The following MYOM3 variants were observed in gnomAD, a reference collection of about 807,000 sequenced individuals.
MYOM3 encodes the protein myomesin 3, also known as myomesin-3.
In MYOM3, 155 loss-of-function variants were observed where a neutral mutation model predicts 191.7. The ratio of observed to expected loss-of-function variants is 0.81; its 90% CI spans 0.71 to 0.92. The LOEUF (loss-of-function observed/expected upper bound fraction) is 0.92, where lower values mean the gene tolerates loss of function less well. Ranked by LOEUF, MYOM3 falls within the 40% of genes least tolerant of loss-of-function variation. The probability of loss-of-function intolerance (pLI) is 0.00; values close to 1 mark genes in which losing one functional copy is unlikely to be tolerated. For missense variants in MYOM3, 1,889 were observed against 1,890.6 expected, an observed-to-expected ratio of 1.00 and a Z score of 0.02; for synonymous variants, 757 against 762.9, an observed-to-expected ratio of 0.99 and a Z score of 0.13.
intron 25 of MYOM3, 121 bp from the exon 26 acceptor site, chr1:24,068,488 G>A (rs1450461134): frequency 8.1e-7 from 1 of 1,232,114 alleles, no homozygotes; most frequent in African/African-American, 1.5e-5. Context: ...CAGAGACTGG[G>A]GCTGGCCGTT....
intron 7 of MYOM3, among the ~76,000 whole-genome samples, 156 bp downstream of exon 7, chr1:24,097,767 A>T (rs1035257706): frequency 3.9e-5 from 6 of 152,194 alleles, no homozygotes; most frequent in Non-Finnish European, 7.4e-5. Flanking sequence ...CCCCCAGGGA[A>T]GCGGGAGTCT....
At chr1:24,094,712 TCTC>T (rs2148557300) in intron 9 of MYOM3, 138 bp downstream of exon 9, 1 of 804,056 alleles carries the variant, frequency 1.2e-6, no homozygotes, top group African/African-American at 1.7e-5. Context: ...GCACTCCCGC[TCTC>T]CTCTGCCTCT....
At chr1:24,103,713 A>G (rs1260119618) in intron 5 of MYOM3, among the ~76,000 whole-genome samples, 1 of 152,148 alleles carries the variant, frequency 6.6e-6, no homozygotes, top group Non-Finnish European at 1.5e-5. Context: ...AAGTTGTAAA[A>G]CACGTTTTGC....
In MYOM3 at chr1:24,082,611, T is replaced by C; in HGVS notation, c.2074A>G (p.Arg692Gly). 1 of 1,609,162 alleles carries C rather than the reference T, an allele frequency of 6.2e-7. No homozygotes were observed. Among genetic ancestry groups the C allele is most frequent in the South Asian group, 1.1e-5 (1 of 90,238 alleles). ...GESSAATEPI[R>G]VKQALATPSA... ...GACTCACCCAGAGCCTGCTTGACCC[T>C]GATGGGCTCGGTGGCGGCTGAGCTC... is the stretch of plus-strand genomic sequence containing the variant. Residue 692 changes from arginine to glycine, a missense_variant, in exon 17 of 37, where the codon AGG (arginine) becomes GGG (glycine). Physicochemically the swap from Arg to Gly is moderately radical, Grantham distance 125. Coordinates refer to ENST00000374434, the MANE Select transcript of MYOM3 (RefSeq NM_152372.4).
chr1:24,061,528 A>T (rs947146517), intron 33 of MYOM3, among the ~76,000 whole-genome samples: 5 of 152,298 alleles, frequency 3.3e-5, no homozygotes, highest in South Asian at 2.1e-4. Context: ...TTAGCTAAAA[A>T]TTTTTTAAAA....
rs1643768378 is a variant in MYOM3 at position 24,087,977 on chromosome 1, C to G, written c.1615-1150G>C. ...AGTCAGGTTCAGAGAGTTTCGGTAA[C>G]TTGGCCAAAAGTCCTGCATCTAATA... On this transcript the variant is annotated intron_variant, in intron 14 of 36. Transcript: ENST00000374434. This position sits in a 1 kb window ranked among gnomAD's most constrained non-coding sequence, Gnocchi z 4.5. Among the ~76,000 whole-genome samples, 1 of 152,190 alleles carries G rather than the reference C, an allele frequency of 6.6e-6. No individual in the cohort carries two copies. The highest frequency in any genetic ancestry group is 2.4e-5 in the African/African-American group (1 of 41,442).
chr1:24,095,999 C>A (rs1021095519), intron 7 of MYOM3, among the ~76,000 whole-genome samples: 2 of 152,290 alleles, frequency 1.3e-5, no homozygotes, highest in Admixed American at 1.3e-4. Context: ...GAGGATTGAA[C>A]GAGCCAATTA....
At chr1:24,070,907 A>G (rs1166103583) in intron 25 of MYOM3, among the ~76,000 whole-genome samples, 1 of 152,114 alleles carries the variant, frequency 6.6e-6, no homozygotes, top group African/African-American at 2.4e-5. Flanking sequence ...GCCAGCATGT[A>G]GTGTCCCTGC....
chr1:24,067,834 G>C, intron 27 of MYOM3, 136 bp downstream of exon 27: 3 of 832,282 alleles, frequency 3.6e-6, no homozygotes. Context: ...TCTGGCACTG[G>C]GACAGAACTG....
chr1:24,080,161 C>G lies in MYOM3; in HGVS notation c.2441G>C (p.Arg814Pro). ...PPYDVRASEV[R>P]ATSLVLQWEP... ...CCACTGCAGCACCAGGGATGTGGCC[C>G]GCACCTCGGATGCCCGTACATCGTA... Residue 814 changes from arginine to proline, a missense_variant, in exon 20 of 37, where the codon CGG becomes CCG. Transcript: ENST00000374434. The G allele has an allele frequency of 6.2e-7, 1 of 1,613,554 alleles. No homozygotes were observed. Among genetic ancestry groups the G allele is most frequent in the Non-Finnish European group, 8.5e-7 (1 of 1,179,750 alleles).
chr1:24,059,890 C>T (rs1003497748), intron 35 of MYOM3, among the ~76,000 whole-genome samples: 25 of 152,042 alleles, frequency 1.6e-4, no homozygotes, highest in African/African-American at 5.3e-4. Context: ...GCAAAGATCC[C>T]GATGCGGATG....
At chr1:24,080,282 CA>C (rs1464505961) in intron 19 of MYOM3, 88 bp from the exon 20 acceptor site, 44 of 1,043,178 alleles carry the variant, frequency 4.2e-5, no homozygotes, top group Non-Finnish European at 4.6e-5. Flanking sequence ...AGTCAGTCAA[CA>C]AGCTTGTCAA....
chr1:24,108,169 C>T (rs1644000721), intron 2 of MYOM3, 96 bp from the exon 3 acceptor site: 2 of 1,208,000 alleles, frequency 1.7e-6, no homozygotes. Flanking sequence ...CCTCAGGGCA[C>T]CAGCAGGCAG....
rs1557607323 is a variant in MYOM3, at chr1:24,078,788, T to A, written c.2586+1228A>T. Among the ~76,000 whole-genome samples the A allele has an allele frequency of 2.6e-5, 4 of 152,358 alleles. No individual in the cohort carries two copies. The South Asian group carries it at 8.3e-4, about 32-fold the overall frequency. The stretch of plus-strand genomic sequence containing the variant: ...AAAGTGGCCTTCAGTCACCTGGAAG[T>A]CTAACTCTGATTGGTTGTCTAAGGT... On this transcript the variant is annotated intron_variant, in intron 20 of 36. Coordinates refer to ENST00000374434, the MANE Select transcript of MYOM3 (RefSeq NM_152372.4).
intron 1 of MYOM3, among the ~76,000 whole-genome samples, chr1:24,109,350 G>A (rs757243114): frequency 3.9e-5 from 6 of 152,118 alleles, no homozygotes; most frequent in Non-Finnish European, 7.3e-5. Flanking sequence ...AACCTCCCAG[G>A]GTAGTTGTGA....
In MYOM3 at chr1:24,075,401, C is replaced by T. The variant is rs940151051; in HGVS notation, c.2776G>A (p.Asp926Asn). The T allele has an allele frequency of 3.7e-6, 6 of 1,612,272 alleles. No homozygotes were observed. The highest frequency in any genetic ancestry group is 2.2e-5 in the South Asian group (2 of 90,862). The change falls in exon 22 of 37, where the codon GAC (aspartate) becomes AAC (asparagine). Residue 926 changes from aspartate (D) to asparagine (N), a missense_variant. Asp to Asn is a conservative substitution (Grantham distance 23). Transcript: ENST00000374434. ...TTGGACCACTGAAACTCTGAGGAGT[C>T]GGGGGCTTCAGGGGCTTCAAAAGCC... ...YLAFEAPEAP[D>N]SSEFQWSKDY... is the part of the protein sequence containing the mutation.
Position 24,086,687 on chromosome 1 carries a change from A to T in MYOM3, c.1755T>A (p.Asp585Glu), listed in dbSNP as rs1005079676. Reference protein sequence around the residue: ...VRAMNQYGLSDPSEPSEPIAL... With the variant: ...VRAMNQYGLSEPSEPSEPIAL... Reference sequence around the variant, plus strand: ...CGATGGGTTCGCTGGGCTCCGAGGGATCGCTCAGGCCATACTGGTTCATTG... The same window carrying T: ...CGATGGGTTCGCTGGGCTCCGAGGGTTCGCTCAGGCCATACTGGTTCATTG... Residue 585 changes from aspartate (D) to glutamate (E), a missense_variant, in exon 15 of 37, where the codon GAT (aspartate) becomes GAA (glutamate). Transcript: ENST00000374434. 1 of 1,613,982 alleles carries T rather than the reference A, an allele frequency of 6.2e-7. No homozygotes were observed. The highest frequency in any genetic ancestry group is 1.3e-5 in the African/African-American group (1 of 74,906).
chr1:24,103,756 T>G (rs1643958813), intron 5 of MYOM3, among the ~76,000 whole-genome samples: 1 of 147,406 alleles, frequency 6.8e-6, no homozygotes, highest in African/African-American at 2.7e-5. Flanking sequence ...AATGCGTGTC[T>G]TAATTGAATA....
In MYOM3 at chr1:24,111,044, C is replaced by A. The variant is rs1557621003; in HGVS notation, c.-19+987G>T. Among the ~76,000 whole-genome samples the A allele has an allele frequency of 1.3e-5, 2 of 152,262 alleles. No individual in the cohort carries two copies. The highest frequency in any genetic ancestry group is 4.8e-5 in the African/African-American group (2 of 41,474). ...GACCTCGGGGCCTCCAGCAACCAGACCCCTGGCTTTAGCGGATGAGCTACC... is the reference window on the plus strand; with the variant it reads ...GACCTCGGGGCCTCCAGCAACCAGAACCCTGGCTTTAGCGGATGAGCTACC... On this transcript the variant is annotated intron_variant, in intron 1 of 36. Transcript: ENST00000374434. The surrounding 1 kb of genome is among the most constrained non-coding windows in gnomAD (Gnocchi z 4.7).
Sources: allele counts gnomAD v4.1 joint callset (sites outside exome capture counted in the v4.1 genomes callset), GRCh38; gene constraint gnomAD v4.1.1; non-coding constraint Gnocchi (gnomAD v3.1); transcripts MANE v1.5; gene names NCBI Gene and HGNC (gene_info 2026-07-23, HGNC 2026-07-21).